LTBP1: variants seen among roughly 807,000 people sequenced by gnomAD.
LTBP1 encodes latent-transforming growth factor beta-binding protein 1.
LTBP1 carries 129 observed loss-of-function variants against 207.6 expected under a neutral mutation model. That is an observed-to-expected ratio of 0.62 (90% CI 0.54 to 0.72). The LOEUF is 0.72. LTBP1 is among the 30% of genes least tolerant of loss of function. LTBP1 has a pLI of 0.00. For synonymous variants in LTBP1, 963 were observed against 833.7 expected, an observed-to-expected ratio of 1.16 and a Z score of -2.67; for missense variants, 2,281 against 2,217.2, an observed-to-expected ratio of 1.03 and a Z score of -0.58.
At chr2:33,269,913 A>G (rs77184921) in intron 15 of LTBP1, among the ~76,000 whole-genome samples, 4,710 of 151,076 alleles carry the variant, frequency 0.031, 274 homozygotes, top group African/African-American at 0.11. Context: ...GACATGTTTT[A>G]TATGTTTTAA....
At chr2:33,201,203 A>G (rs955123384) in intron 7 of LTBP1, among the ~76,000 whole-genome samples, 14 of 152,176 alleles carry the variant, frequency 9.2e-5, no homozygotes, top group African/African-American at 3.4e-4. Flanking sequence ...CAGTATTCAC[A>G]ATAGCAAAGA....
intron 2 of LTBP1, among the ~76,000 whole-genome samples, chr2:33,002,041 G>T (rs1171268280): frequency 7.4e-6 from 1 of 134,300 alleles, no homozygotes; most frequent in Non-Finnish European, 1.6e-5. Flanking sequence ...TAGGTCAGAG[G>T]CCTTCAAAGC....
chr2:33,334,568 C>T (rs2094533390), intron 24 of LTBP1, among the ~76,000 whole-genome samples: 1 of 152,096 alleles, frequency 6.6e-6, no homozygotes, highest in Non-Finnish European at 1.5e-5. Context: ...AATGTGGTGA[C>T]TGGATGTGGA....
At chr2:32,983,084 A>G (rs1683015269) in intron 2 of LTBP1, among the ~76,000 whole-genome samples, 1 of 152,214 alleles carries the variant, frequency 6.6e-6, no homozygotes, top group Admixed American at 6.5e-5. Flanking sequence ...GAAAGCAGCC[A>G]GGAGTGGTGC....
At chr2:33,031,996 C>T (rs749938796) in intron 3 of LTBP1, among the ~76,000 whole-genome samples, 3 of 152,094 alleles carry the variant, frequency 2.0e-5, no homozygotes, top group East Asian at 3.9e-4. Context: ...GAGTGTCTGT[C>T]TTGCACAGGG....
intron 3 of LTBP1, among the ~76,000 whole-genome samples, chr2:33,062,655 G>A (rs550122107): frequency 6.6e-6 from 1 of 152,274 alleles, no homozygotes; most frequent in East Asian, 1.9e-4. Flanking sequence ...CTGTTGATCT[G>A]TTGTTGATCC....
chr2:33,231,811 A>G (rs2091807172), intron 9 of LTBP1, among the ~76,000 whole-genome samples: 2 of 152,224 alleles, frequency 1.3e-5, no homozygotes, highest in East Asian at 1.9e-4. Context: ...TTTGCATGCA[A>G]TTAATTATGG....
At position 32,947,611 on chromosome 2, in the gene LTBP1, A is replaced by G. The variant is rs1676381403; in HGVS notation, c.287A>G (p.Gln96Arg). Residue 96 changes from glutamine (Q) to arginine (R), a missense_variant, in exon 1 of 34, where the codon CAG becomes CGG. Gln to Arg is a conservative substitution (Grantham distance 43). Transcript: ENST00000404816. ...AGCAAGCCGGGCGGCGCGGCCCTGC[A>G]GGGGCTCAGACCGCCGCCGCCGCCG... The part of the protein sequence containing the change: ...RTSKPGGAAL[Q>R]GLRPPPPPPP... 1.5e-6 allele frequency: 2 copies of G among 1,333,140 alleles called. No homozygotes were observed. The highest frequency in any genetic ancestry group is 1.6e-5 in the African/African-American group (1 of 64,294). 82.6% of individuals were successfully genotyped at this position (1,333,140 alleles called of 1,614,324 possible).
chr2:33,061,626 C>T (rs114644846), intron 3 of LTBP1, among the ~76,000 whole-genome samples: 14,713 of 152,076 alleles, frequency 0.097, 932 homozygotes, highest in Non-Finnish European at 0.14. Context: ...AATACTGTCG[C>T]GTGAATAAGC....
At chr2:33,149,529 G>GT (rs1418536446) in intron 5 of LTBP1, among the ~76,000 whole-genome samples, 11 of 152,190 alleles carry the variant, frequency 7.2e-5, no homozygotes, top group African/African-American at 2.7e-4. Flanking sequence ...CCTTTCAGCT[G>GT]TCCTTGCACA....
rs1390334445 is a variant in LTBP1, at chr2:33,309,563, C to T, written c.3604+7C>T. ...GACAATAAAACATGTCAAGGTATTT[C>T]TTGCTCTTTTTTCCCCAGTCATTAT... On this transcript the variant is annotated splice_region_variant and intron_variant, in intron 23 of 33. Coordinates refer to ENST00000404816, the MANE Select transcript of LTBP1 (RefSeq NM_206943.4). 5.6e-6 allele frequency: 9 copies of T among 1,603,028 alleles called. No individual in the cohort carries two copies. Among genetic ancestry groups the T allele is most frequent in the Non-Finnish European group, 7.6e-6 (9 of 1,176,690 alleles).
intron 5 of LTBP1, among the ~76,000 whole-genome samples, chr2:33,184,702 G>A (rs2087001897): frequency 6.6e-6 from 1 of 150,950 alleles, no homozygotes; most frequent in Non-Finnish European, 1.5e-5. Flanking sequence ...GGCAGGGACT[G>A]AATCTTCTAT....
At chr2:33,223,834 A>G (rs1299730754) in intron 9 of LTBP1, among the ~76,000 whole-genome samples, 3 of 152,198 alleles carry the variant, frequency 2.0e-5, no homozygotes, top group African/African-American at 7.2e-5. Flanking sequence ...TGTGTTTAGC[A>G]CGCAGAAGTA....
intron 2 of LTBP1, among the ~76,000 whole-genome samples, chr2:32,977,359 G>T (rs551045658): frequency 6.6e-6 from 1 of 152,360 alleles, no homozygotes; most frequent in Non-Finnish European, 1.5e-5. Flanking sequence ...TCCCAGTACA[G>T]CAGGAGGCTG....
chr2:32,992,142 C>T (rs1684512583), intron 2 of LTBP1, among the ~76,000 whole-genome samples: 1 of 152,198 alleles, frequency 6.6e-6, no homozygotes. Flanking sequence ...ACTGTACTGT[C>T]CTCAGTGCCT....
intron 5 of LTBP1, among the ~76,000 whole-genome samples, chr2:33,151,649 G>A (rs1274427446): frequency 6.6e-6 from 1 of 151,938 alleles, no homozygotes; most frequent in Admixed American, 6.6e-5. Context: ...AAAGTCCATT[G>A]TATTATTCTT....
At chr2:32,996,988 G>T (rs1458430390) in intron 2 of LTBP1, among the ~76,000 whole-genome samples, 1 of 152,050 alleles carries the variant, frequency 6.6e-6, no homozygotes, top group Admixed American at 6.5e-5. Context: ...GGGTCCAAGC[G>T]ATTCTCATGC....
At chr2:33,315,469 A>G (rs2094255519) in intron 24 of LTBP1, among the ~76,000 whole-genome samples, 200 bp downstream of exon 24, 1 of 152,218 alleles carries the variant, frequency 6.6e-6, no homozygotes, top group South Asian at 2.1e-4. Context: ...TAAGGTTATG[A>G]TGATAAAAAC....
At chr2:33,239,517 C>T (rs753815995) in intron 9 of LTBP1, among the ~76,000 whole-genome samples, 1 of 152,104 alleles carries the variant, frequency 6.6e-6, no homozygotes, top group South Asian at 2.1e-4. Flanking sequence ...GGAATAAATT[C>T]ATGTATTTTT....
Sources: gnomAD v4.1 joint callset for allele counts (sites outside exome capture counted in the v4.1 genomes callset) on GRCh38, gnomAD v4.1.1 for gene constraint, MANE v1.5 for transcripts, NCBI Gene and HGNC (gene_info 2026-07-23, HGNC 2026-07-21) for gene names.